Variants in FAP observed in about 807,000 individuals in gnomAD.
FAP encodes the protein fibroblast activation protein alpha.
Under a neutral mutation model 126.5 loss-of-function variants are expected in FAP, and 110 were observed. The ratio of observed to expected loss-of-function variants is 0.87; its 90% CI spans 0.74 to 1.02. The LOEUF (loss-of-function observed/expected upper bound fraction) is 1.02, where lower values mean the gene tolerates loss of function less well. FAP is among the 50% of genes least tolerant of loss of function. FAP has a pLI of 0.00. For missense variants in FAP, 919 were observed against 909.2 expected (o/e 1.01, Z -0.14); for synonymous variants, 334 against 297.3 (o/e 1.12, Z -1.27).
intron 16 of FAP, chr2:162,197,580 T>C (rs1688301778): frequency 2.2e-6 from 1 of 456,728 alleles, no homozygotes; most frequent in Admixed American, 2.3e-5. Flanking sequence ...ATCTTTGTGC[T>C]ATCTTCAAGG....
chr2:162,198,807 T>G lies in FAP; in HGVS notation c.1352A>C (p.Tyr451Ser), dbSNP rs772231311. The change falls in exon 16 of 26, where the codon TAC becomes TCC. Residue 451 changes from tyrosine to serine, a missense_variant. Transcript: ENST00000188790. ...CHLRKERCQY[Y>S]TASFSDYAKY... ...GGCGTAGTCGCTGAAACTTGCTGTG[T>G]AATATTGGCACCTTTCTTTCCTTAG... 1 of 1,614,152 alleles carries G rather than the reference T, an allele frequency of 6.2e-7. No homozygotes were observed. The highest frequency in any genetic ancestry group is 1.7e-5 in the Admixed American group (1 of 60,016).
intron 11 of FAP, among the ~76,000 whole-genome samples, chr2:162,210,864 G>A (rs1688904966): frequency 6.6e-6 from 1 of 152,154 alleles, no homozygotes. Flanking sequence ...CAGAGAAAAT[G>A]AAGCCACACA....
rs930252798 is a variant in FAP at position 162,198,033 on chromosome 2, T to C, written c.1402+724A>G. On this transcript the variant is annotated intron_variant, in intron 16 of 25. Transcript: ENST00000188790. ...CTAACCTGTTTTATTGTTTGCCACATGCTCAAGATATAGATAAAAGGTTGC... is the reference window on the plus strand; with the variant it reads ...CTAACCTGTTTTATTGTTTGCCACACGCTCAAGATATAGATAAAAGGTTGC... 7.9e-5 allele frequency: 46 copies of C among 581,962 alleles called. 1 individual carries two copies. The Admixed American group carries it at 1.2e-3, about 16-fold the overall frequency. The allele number at this position is 581,962 out of a possible 1,614,324, so 36.0% of individuals were successfully genotyped here.
At chr2:162,190,583 C>T (rs983384292) in intron 17 of FAP, among the ~76,000 whole-genome samples, 4 of 152,078 alleles carry the variant, frequency 2.6e-5, no homozygotes, top group African/African-American at 7.2e-5. Context: ...CTAGCAATAG[C>T]GGGCTTTTTA....
At chr2:162,200,706 G>A (rs1305876535) in intron 14 of FAP, 87 bp from the exon 15 acceptor site, 4 of 599,178 alleles carry the variant, frequency 6.7e-6, no homozygotes, top group African/African-American at 2.0e-5. Flanking sequence ...TATCAATATA[G>A]GTAAGCATTT....
At chr2:162,174,078 A>T (rs1687403079) in intron 22 of FAP, among the ~76,000 whole-genome samples, 1 of 152,136 alleles carries the variant, frequency 6.6e-6, no homozygotes, top group South Asian at 2.1e-4. Flanking sequence ...CCTCCTAGGG[A>T]AGAATGTTGA....
At chr2:162,194,881 C>G in intron 16 of FAP, 133 bp from the exon 17 acceptor site, 1 of 766,304 alleles carries the variant, frequency 1.3e-6, no homozygotes, top group East Asian at 2.7e-5. Flanking sequence ...TATTTTTTTC[C>G]CCATAGAGAA....
At chr2:162,200,159 C>T (rs1688439688) in intron 15 of FAP, among the ~76,000 whole-genome samples, 1 of 152,134 alleles carries the variant, frequency 6.6e-6, no homozygotes, top group African/African-American at 2.4e-5. Context: ...AATATAGGAA[C>T]AGACATGGGT....
chr2:162,199,102 C>G (rs1254949916), intron 15 of FAP, among the ~76,000 whole-genome samples: 1 of 152,162 alleles, frequency 6.6e-6, no homozygotes, highest in African/African-American at 2.4e-5. Context: ...GGAAGAAGCC[C>G]TATGTGGTTT....
intron 11 of FAP, among the ~76,000 whole-genome samples, chr2:162,211,310 C>T (rs1484021745): frequency 6.6e-6 from 1 of 152,144 alleles, no homozygotes; most frequent in Non-Finnish European, 1.5e-5. Flanking sequence ...ATTCCCCAAC[C>T]CCCACCATAC....
At chr2:162,198,149 A>C in intron 16 of FAP, 1 of 1,271,098 alleles carries the variant, frequency 7.9e-7, no homozygotes, top group Non-Finnish European at 1.0e-6. Flanking sequence ...TTTATTACTT[A>C]TGGTTTGTTA....
intron 2 of FAP, among the ~76,000 whole-genome samples, chr2:162,234,028 T>G (rs1690005499): frequency 6.6e-6 from 1 of 152,220 alleles, no homozygotes; most frequent in South Asian, 2.1e-4. Flanking sequence ...TAAAAGACTT[T>G]ATTTCTGGAC....
intron 2 of FAP, 110 bp downstream of exon 2, chr2:162,242,798 C>T: frequency 1.3e-6 from 1 of 754,820 alleles, no homozygotes; most frequent in African/African-American, 1.8e-5. Context: ...AAATAACAGA[C>T]TTACTTTGGA....
At chr2:162,184,541 C>T (rs941910731) in intron 20 of FAP, among the ~76,000 whole-genome samples, 10 of 152,242 alleles carry the variant, frequency 6.6e-5, no homozygotes, top group Middle Eastern at 3.4e-3. Flanking sequence ...GGCAAATGCC[C>T]GGGACAAACA....
At chr2:162,180,269 A>G (rs1345984230) in intron 21 of FAP, among the ~76,000 whole-genome samples, 1 of 152,194 alleles carries the variant, frequency 6.6e-6, no homozygotes, top group Non-Finnish European at 1.5e-5. Context: ...GAAAAGCCAC[A>G]CAGTAAAAAT....
chr2:162,189,865 G>T (rs570103133), intron 17 of FAP, 111 bp from the exon 18 acceptor site: 13 of 622,348 alleles, frequency 2.1e-5, no homozygotes, highest in Non-Finnish European at 3.7e-5. Flanking sequence ...TGAAAAGCTC[G>T]CTTAAGAAGT....
chr2:162,221,125 T>G (rs1353674906), intron 6 of FAP, among the ~76,000 whole-genome samples: 1 of 152,114 alleles, frequency 6.6e-6, no homozygotes, highest in Non-Finnish European at 1.5e-5. Context: ...GGGAGAGTGA[T>G]TCCCATGGAA....
chr2:162,228,219 T>C (rs1689737954), intron 2 of FAP, among the ~76,000 whole-genome samples: 2 of 152,140 alleles, frequency 1.3e-5, no homozygotes, highest in African/African-American at 4.8e-5. Context: ...ATGTGTGCCT[T>C]TTCTGAATTC....
chr2:162,214,093 A>C lies in FAP; in HGVS notation c.867-20T>G. 6.2e-7 allele frequency: 1 copy of C among 1,612,582 alleles called. No individual in the cohort carries two copies. On this transcript the variant is annotated intron_variant, in intron 10 of 25. Transcript: ENST00000188790. The stretch of plus-strand genomic sequence containing the variant: ...TAATCACTGCAAATAAAATAGAAAC[A>C]GGTAGTCACAACCATAAACCAGTTT...
Sources: gnomAD v4.1 joint callset for allele counts (sites outside exome capture counted in the v4.1 genomes callset) on GRCh38, gnomAD v4.1.1 for gene constraint, MANE v1.5 for transcripts, NCBI Gene and HGNC (gene_info 2026-07-23, HGNC 2026-07-21) for gene names.